Variants in MYO1E observed in about 807,000 individuals in gnomAD.
MYO1E encodes unconventional myosin-Ie.
A neutral mutation model predicts 151.1 loss-of-function variants in MYO1E; 68 were observed. The observed-to-expected ratio is 0.45, with a 90% CI of 0.37 to 0.55. The LOEUF (loss-of-function observed/expected upper bound fraction) is 0.55, where lower values mean the gene tolerates loss of function less well. Ranked by LOEUF, MYO1E falls within the 20% of genes least tolerant of loss-of-function variation. The probability of loss-of-function intolerance (pLI) is 0.00; values close to 1 mark genes in which losing one functional copy is unlikely to be tolerated. For missense variants in MYO1E, 1,363 were observed against 1,389.3 expected (o/e 0.98, Z 0.30); for synonymous variants, 601 against 501.7 (o/e 1.20, Z -2.64).
At chr15:59,222,780 T>G (rs1342647991) in intron 9 of MYO1E, among the ~76,000 whole-genome samples, 8 of 152,204 alleles carry the variant, frequency 5.3e-5, no homozygotes, top group Non-Finnish European at 1.0e-4. Context: ...AACCAAGGTG[T>G]GAAATCCTCC....
intron 1 of MYO1E, among the ~76,000 whole-genome samples, chr15:59,347,379 C>T (rs953894168): frequency 4.6e-5 from 7 of 152,140 alleles, no homozygotes; most frequent in East Asian, 1.9e-4. Flanking sequence ...TCCACGAAAC[C>T]GGTCCCTGGT....
chr15:59,346,434 A>G (rs1321457275), intron 1 of MYO1E, among the ~76,000 whole-genome samples: 3 of 152,218 alleles, frequency 2.0e-5, no homozygotes, highest in Non-Finnish European at 4.4e-5. Flanking sequence ...AGAGTAAAAA[A>G]TGGAATGCCT....
intron 8 of MYO1E, 28 bp downstream of exon 8, chr15:59,224,661 T>C: frequency 6.2e-7 from 1 of 1,614,082 alleles, no homozygotes; most frequent in Non-Finnish European, 8.5e-7. Flanking sequence ...GGAGAGCAGA[T>C]CCTGCCTGGC....
At chr15:59,233,711 T>G (rs1346386191) in intron 5 of MYO1E, among the ~76,000 whole-genome samples, 1 of 150,166 alleles carries the variant, frequency 6.7e-6, no homozygotes, top group Admixed American at 6.6e-5. Flanking sequence ...TCCTGGATTC[T>G]TGTCTCCATG....
Position 59,220,719 on chromosome 15 carries a change from A to C in MYO1E, c.910+2340T>G, listed in dbSNP as rs1461425265. Among the ~76,000 whole-genome samples, 3 of 152,004 alleles carry C rather than the reference A, an allele frequency of 2.0e-5. No individual in the cohort carries two copies. In the East Asian group the frequency reaches 5.8e-4, roughly 29 times the overall value. On this transcript the variant is annotated intron_variant, in intron 9 of 27. Coordinates refer to ENST00000288235, the MANE Select transcript of MYO1E (RefSeq NM_004998.4). ...AGTAGTGTTCATTCAGTCTTGTAACAGCAGAAGATCAGAAACCATATTAAT... is the reference window on the plus strand; with the variant it reads ...AGTAGTGTTCATTCAGTCTTGTAACCGCAGAAGATCAGAAACCATATTAAT...
intron 1 of MYO1E, among the ~76,000 whole-genome samples, chr15:59,338,690 G>A (rs1455990908): frequency 6.6e-6 from 1 of 152,026 alleles, no homozygotes; most frequent in Non-Finnish European, 1.5e-5. Context: ...GGCAGGAGGA[G>A]CAAGGTCCTT....
intron 6 of MYO1E, among the ~76,000 whole-genome samples, chr15:59,228,728 T>G (rs1413236921): frequency 6.6e-6 from 1 of 152,122 alleles, no homozygotes; most frequent in Non-Finnish European, 1.5e-5. Flanking sequence ...AAAATGTGTA[T>G]GCTGACTAAA....
chr15:59,291,988 T>C (rs1162017489), intron 1 of MYO1E, among the ~76,000 whole-genome samples: 2 of 152,204 alleles, frequency 1.3e-5, no homozygotes, highest in Admixed American at 1.3e-4. Context: ...CACAGCTCTT[T>C]TGCTTAGTAT....
intron 5 of MYO1E, among the ~76,000 whole-genome samples, chr15:59,232,750 C>T (rs2080035927): frequency 6.6e-6 from 1 of 152,184 alleles, no homozygotes; most frequent in Non-Finnish European, 1.5e-5. Context: ...GAAAAATCAA[C>T]ATTAACTGTC....
At position 59,138,296 on chromosome 15, in the gene MYO1E, G is replaced by A; in HGVS notation, c.3152C>T (p.Pro1051Leu). 1 of 1,614,250 alleles carries A rather than the reference G, an allele frequency of 6.2e-7. No individual in the cohort carries two copies. The highest frequency in any genetic ancestry group is 1.1e-5 in the South Asian group (1 of 91,092). ...CAAAGCCTTGCACTGTGGCACCTGA[G>A]GCTTGGGCTTGGGCTGGGGCTTGGG... ...GRPKPQPKPK[P>L]QVPQCKALYA... The change falls in exon 27 of 28, where the codon CCT becomes CTT. Residue 1051 changes from proline to leucine, a missense_variant. Physicochemically the swap from Pro to Leu is moderately conservative, Grantham distance 98. Transcript: ENST00000288235.
chr15:59,207,839 C>A (rs749490548), intron 14 of MYO1E: 2 of 1,614,160 alleles, frequency 1.2e-6, no homozygotes, highest in East Asian at 2.2e-5. Flanking sequence ...ACTTCTTGGG[C>A]CATTGGCCTA....
At chr15:59,273,564 A>G (rs1171350839) in intron 1 of MYO1E, among the ~76,000 whole-genome samples, 2 of 152,194 alleles carry the variant, frequency 1.3e-5, no homozygotes, top group Non-Finnish European at 2.9e-5. Flanking sequence ...GGCAGAAGAA[A>G]TGACTTCCCA....
At chr15:59,331,861 C>A (rs1255760373) in intron 1 of MYO1E, among the ~76,000 whole-genome samples, 2 of 152,146 alleles carry the variant, frequency 1.3e-5, no homozygotes, top group Non-Finnish European at 2.9e-5. Flanking sequence ...TCTATAATTT[C>A]ATGGTTTGAT....
rs546508489 is a variant in MYO1E at position 59,209,225 on chromosome 15, G to A, written c.1363-377C>T. Reference sequence around the variant, plus strand: ...CTCTTTCAGCGTGTTACCCATATAGGCATCATTTCGGTAGTTATTTAGTGT... The same window carrying A: ...CTCTTTCAGCGTGTTACCCATATAGACATCATTTCGGTAGTTATTTAGTGT... On this transcript the variant is annotated intron_variant, in intron 13 of 27. Coordinates refer to ENST00000288235, the MANE Select transcript of MYO1E (RefSeq NM_004998.4). Among the ~76,000 whole-genome samples the A allele has an allele frequency of 1.6e-4, 24 of 152,184 alleles. No individual in the cohort carries two copies. The South Asian group carries it at 3.7e-3, about 24-fold the overall frequency.
chr15:59,173,992 C>G, intron 20 of MYO1E, 77 bp from the exon 21 acceptor site: 1 of 1,541,826 alleles, frequency 6.5e-7, no homozygotes. Context: ...TGGAAATATA[C>G]AAAGAAACTC....
chr15:59,205,519 G>GTTC, intron 14 of MYO1E, 34 bp from the exon 15 acceptor site: 1 of 1,547,222 alleles, frequency 6.5e-7, no homozygotes, highest in Non-Finnish European at 8.9e-7. Flanking sequence ...GAATTTCATT[G>GTTC]AACAAAATGT....
intron 1 of MYO1E, among the ~76,000 whole-genome samples, chr15:59,355,034 C>T (rs2080845782): frequency 6.6e-6 from 1 of 152,210 alleles, no homozygotes; most frequent in Admixed American, 6.5e-5. Context: ...TCATCAATCA[C>T]TCATTCACTG....
intron 22 of MYO1E, among the ~76,000 whole-genome samples, chr15:59,169,138 G>T (rs867102098): frequency 1.3e-5 from 2 of 152,206 alleles, no homozygotes; most frequent in African/African-American, 2.4e-5. Flanking sequence ...GACATTAATT[G>T]TAAGAGCTAG....
chr15:59,303,285 T>C (rs28645333), intron 1 of MYO1E, among the ~76,000 whole-genome samples: 52,190 of 151,992 alleles, frequency 0.34, 9,762 homozygotes, highest in African/African-American at 0.49. Context: ...GGTGGTGGCA[T>C]GTGCCTGTAG....
Sources: allele counts gnomAD v4.1 joint callset (sites outside exome capture counted in the v4.1 genomes callset), GRCh38; gene constraint gnomAD v4.1.1; transcripts MANE v1.5; gene names NCBI Gene and HGNC (gene_info 2026-07-23, HGNC 2026-07-21).